The following OSMR variants were observed in gnomAD, a reference collection of about 807,000 sequenced individuals.
The protein encoded by OSMR is oncostatin-M-specific receptor subunit beta.
A neutral mutation model predicts 99.9 loss-of-function variants in OSMR; 81 were observed. The ratio of observed to expected loss-of-function variants is 0.81; its 90% CI spans 0.68 to 0.97. The LOEUF (loss-of-function observed/expected upper bound fraction) is 0.97. Among genes scored for constraint, OSMR ranks in the 50% least tolerant of loss-of-function variants. The pLI is 0.00. For missense variants in OSMR, 1,099 were observed against 1,153.4 expected (o/e 0.95, Z 0.68); for synonymous variants, 406 against 410.4 (o/e 0.99, Z 0.13).
chr5:38,919,707 G>A, intron 11 of OSMR: 1 of 195,926 alleles, frequency 5.1e-6, no homozygotes, highest in Admixed American at 5.5e-5. Flanking sequence ...AATGTAGTTG[G>A]CAAGTGGCAT....
intron 1 of OSMR, chr5:38,942,345 G>A: frequency 1.9e-6 from 3 of 1,598,328 alleles, no homozygotes; most frequent in Non-Finnish European, 2.6e-6. Flanking sequence ...TGCTTTGGTG[G>A]TGTTGCCAAC....
chr5:38,869,530 T>C (rs946113151), intron 2 of OSMR, among the ~76,000 whole-genome samples: 4 of 152,336 alleles, frequency 2.6e-5, no homozygotes, highest in Admixed American at 1.3e-4. Flanking sequence ...CCCTCAACTA[T>C]GTTCATTGAG....
rs115974909 is a variant in OSMR, at chr5:38,882,713, G to A, written c.418+949G>A. On this transcript the variant is annotated intron_variant, in intron 4 of 17. Transcript: ENST00000274276. ...TTATTTGAAAAATGAGATTATTTGC[G>A]CACGTTAAACTAATAATACTAATGA... 4.5e-4 allele frequency among the ~76,000 whole-genome samples: 69 copies of A among 152,214 alleles called. 1 individual carries two copies. The highest frequency in any genetic ancestry group is 6.5e-4 in the Admixed American group (10 of 15,286).
chr5:38,921,478 A>T (rs368657344), intron 11 of OSMR, 137 bp from the exon 12 acceptor site: 5 of 1,510,618 alleles, frequency 3.3e-6, no homozygotes, highest in African/African-American at 2.8e-5. Context: ...CCCCCACCCA[A>T]GCACCTGTAA....
chr5:38,854,983 T>C (rs1451139328), intron 1 of OSMR, among the ~76,000 whole-genome samples: 1 of 151,882 alleles, frequency 6.6e-6, no homozygotes, highest in East Asian at 1.9e-4. Flanking sequence ...GCCGGCCGGG[T>C]GGATGAGAGA....
intron 15 of OSMR, among the ~76,000 whole-genome samples, chr5:38,928,410 C>T (rs1026441543): frequency 3.3e-5 from 5 of 152,176 alleles, no homozygotes; most frequent in African/African-American, 9.7e-5. Flanking sequence ...AAGTGGCTCA[C>T]GGTTCTGCAT....
chr5:38,945,280 T>C, downstream of OSMR: 1 of 608,490 alleles, frequency 1.6e-6, no homozygotes. Context: ...GGAAAAGACC[T>C]AATCCAGGGA....
chr5:38,879,796 G>A (rs538560156), intron 3 of OSMR, among the ~76,000 whole-genome samples: 36 of 152,054 alleles, frequency 2.4e-4, no homozygotes, highest in Middle Eastern at 3.4e-3. Context: ...GCTAATTTTT[G>A]TATTTTTAGT....
At chr5:38,851,211 G>A (rs1252686976) in intron 1 of OSMR, among the ~76,000 whole-genome samples, 2 of 152,110 alleles carry the variant, frequency 1.3e-5, no homozygotes, top group African/African-American at 2.4e-5. Flanking sequence ...ACACACACAC[G>A]TTTTAAGGAA....
chr5:38,921,599 A>G lies in OSMR; in HGVS notation c.1586-16A>G. The G allele has an allele frequency of 6.2e-7, 1 of 1,614,036 alleles. No homozygotes were observed. The highest frequency in any genetic ancestry group is 8.5e-7 in the Non-Finnish European group (1 of 1,179,988). On this transcript the variant is annotated splice_polypyrimidine_tract_variant and intron_variant, in intron 11 of 17. Transcript: ENST00000274276. ...TTAATTAAATCTGGAGCATTGCTCT[A>G]TTTGTTTATATACAGAAGAGGTTGA...
intron 11 of OSMR, among the ~76,000 whole-genome samples, chr5:38,920,941 A>G (rs1746199497): frequency 6.6e-6 from 1 of 152,220 alleles, no homozygotes; most frequent in Non-Finnish European, 1.5e-5. Context: ...GCATATCTTT[A>G]TATAACCCAA....
intron 2 of OSMR, among the ~76,000 whole-genome samples, chr5:38,873,383 C>T (rs529965598): frequency 4.6e-5 from 7 of 152,314 alleles, no homozygotes; most frequent in South Asian, 4.1e-4. Context: ...TTGTGAATAA[C>T]GCTGCTACAA....
At chr5:38,915,501 AT>A (rs1745841732) in intron 9 of OSMR, among the ~76,000 whole-genome samples, 1 of 152,240 alleles carries the variant, frequency 6.6e-6, no homozygotes, top group Non-Finnish European at 1.5e-5. Context: ...ATTTTATATC[AT>A]TACTCTAAAA....
Position 38,903,768 on chromosome 5 carries a change from A to G in OSMR, c.992-114A>G, listed in dbSNP as rs72635261. On this transcript the variant is annotated intron_variant, in intron 7 of 17. Coordinates refer to ENST00000274276, the MANE Select transcript of OSMR (RefSeq NM_003999.3). ...TAAGTTCTTGTTTGTCATGTTCTCA[A>G]AAGTGAACAAAAATACTTGTTGAAC... The G allele has an allele frequency of 8.8e-3, 13,287 of 1,513,096 alleles. 558 individuals are homozygous for G. The African/African-American group carries it at 0.11, about 12-fold the overall frequency. The allele number at this position is 1,513,096 out of a possible 1,614,324, so 93.7% of individuals were successfully genotyped here. A position where few individuals can be genotyped will look rare whatever the true frequency, so the allele number is the denominator to read the frequency against.
At chr5:38,896,702 A>C (rs1744542715) in intron 7 of OSMR, among the ~76,000 whole-genome samples, 1 of 152,070 alleles carries the variant, frequency 6.6e-6, no homozygotes, top group Non-Finnish European at 1.5e-5. Context: ...CAGTGGTGAA[A>C]GTGGGCATCT....
chr5:38,858,933 A>G (rs1741069401), intron 1 of OSMR, among the ~76,000 whole-genome samples: 1 of 152,082 alleles, frequency 6.6e-6, no homozygotes, highest in African/African-American at 2.4e-5. Flanking sequence ...TTTGGAACAT[A>G]TGTCCACTTT....
chr5:38,902,601 G>A (rs765326726), intron 7 of OSMR, among the ~76,000 whole-genome samples: 33 of 152,066 alleles, frequency 2.2e-4, no homozygotes, highest in Non-Finnish European at 4.6e-4. Flanking sequence ...AGTGCCCTTC[G>A]GTAAGCACCT....
intron 7 of OSMR, among the ~76,000 whole-genome samples, chr5:38,900,955 C>G (rs1458360540): frequency 1.3e-5 from 2 of 152,184 alleles, no homozygotes; most frequent in African/African-American, 4.8e-5. Context: ...ATGCTGCAAG[C>G]TCTTTCCATA....
chr5:38,923,472 T>C (rs1387338193), intron 13 of OSMR, among the ~76,000 whole-genome samples: 2 of 152,220 alleles, frequency 1.3e-5, no homozygotes, highest in Non-Finnish European at 2.9e-5. Flanking sequence ...CTTTTTTCAG[T>C]CTCTTATACC....
Sources: allele counts gnomAD v4.1 joint callset (sites outside exome capture counted in the v4.1 genomes callset), GRCh38; gene constraint gnomAD v4.1.1; transcripts MANE v1.5; gene names NCBI Gene and HGNC (gene_info 2026-07-23, HGNC 2026-07-21).